The following CPQ variants were observed in gnomAD, a reference collection of about 807,000 sequenced individuals.
CPQ encodes the protein carboxypeptidase Q, also known as Ser-Met dipeptidase.
In CPQ, 37 loss-of-function variants were observed where a neutral mutation model predicts 45.7. The ratio of observed to expected loss-of-function variants is 0.81; its 90% confidence interval spans 0.62 to 1.07. The LOEUF is 1.07. Ranked by LOEUF, CPQ falls within the 50% of genes least tolerant of loss-of-function variation. The pLI, the probability that CPQ is intolerant of heterozygous loss-of-function variation, is 0.00. For synonymous variants in CPQ, 186 were observed against 205.8 expected (o/e 0.90, Z 0.82); for missense variants, 537 against 572.9 (o/e 0.94, Z 0.64).
chr8:96,737,355 G>GATAGATATATATAT (rs1554561434), intron 1 of CPQ, among the ~76,000 whole-genome samples: 2 of 118,000 alleles, frequency 1.7e-5, no homozygotes, highest in Non-Finnish European at 3.5e-5. Context: ...ACTAATAGGA[G>GATAGATATATATAT]ATATATATAT....
chr8:96,683,613 T>G (rs1335722198), intron 1 of CPQ, among the ~76,000 whole-genome samples: 1 of 152,138 alleles, frequency 6.6e-6, no homozygotes, highest in Non-Finnish European at 1.5e-5. Context: ...TAAACAGGTT[T>G]TCTATGTTGT....
chr8:96,988,889 G>A (rs1809038342), intron 5 of CPQ, among the ~76,000 whole-genome samples: 1 of 152,126 alleles, frequency 6.6e-6, no homozygotes, highest in South Asian at 2.1e-4. Flanking sequence ...CTTCAAAGAT[G>A]ACTTTCCTTA....
chr8:97,046,650 A>G (rs1810262196), intron 6 of CPQ, among the ~76,000 whole-genome samples: 1 of 151,998 alleles, frequency 6.6e-6, no homozygotes, highest in African/African-American at 2.4e-5. Flanking sequence ...AATCAGATGC[A>G]CTCCCTCCCC....
chr8:96,993,472 T>C (rs916436657), intron 5 of CPQ, among the ~76,000 whole-genome samples: 4 of 152,184 alleles, frequency 2.6e-5, no homozygotes, highest in African/African-American at 4.8e-5. Context: ...TTAAAAGCAT[T>C]ATTACTCACT....
intron 1 of CPQ, among the ~76,000 whole-genome samples, chr8:96,742,212 C>T (rs1188965655): frequency 6.6e-6 from 1 of 151,972 alleles, no homozygotes; most frequent in Non-Finnish European, 1.5e-5. Flanking sequence ...TTGAATTGAT[C>T]CCTTTACCAT....
chr8:96,856,445 C>T (rs1183596884), intron 3 of CPQ, among the ~76,000 whole-genome samples: 1 of 152,182 alleles, frequency 6.6e-6, no homozygotes, highest in Non-Finnish European at 1.5e-5. Context: ...CTTAATGGCA[C>T]ATATTTTTAT....
At chr8:96,950,025 C>T (rs918122326) in intron 4 of CPQ, among the ~76,000 whole-genome samples, 1 of 152,078 alleles carries the variant, frequency 6.6e-6, no homozygotes, top group African/African-American at 2.4e-5. Context: ...ATCATGTTGA[C>T]CAGAAGTCTC....
At chr8:96,809,191 A>C (rs1032088325) in intron 2 of CPQ, among the ~76,000 whole-genome samples, 10 of 151,990 alleles carry the variant, frequency 6.6e-5, no homozygotes, top group Non-Finnish European at 1.5e-4. Flanking sequence ...TATATATAAT[A>C]TACATATATT....
intron 4 of CPQ, among the ~76,000 whole-genome samples, chr8:96,932,108 T>C (rs1812982562): frequency 6.6e-6 from 1 of 152,200 alleles, no homozygotes; most frequent in East Asian, 1.9e-4. Context: ...GCAGCATGTA[T>C]ATATTCACTA....
chr8:97,085,638 A>G (rs1811028365), intron 7 of CPQ, among the ~76,000 whole-genome samples: 2 of 152,206 alleles, frequency 1.3e-5, no homozygotes, highest in African/African-American at 2.4e-5. Flanking sequence ...TTGGGTATGC[A>G]TGACCATAGT....
chr8:96,684,252 G>T (rs909449802), intron 1 of CPQ, among the ~76,000 whole-genome samples: 1 of 152,174 alleles, frequency 6.6e-6, no homozygotes, highest in African/African-American at 2.4e-5. Flanking sequence ...CTTTGGTTTT[G>T]ATTCTGGTTG....
intron 1 of CPQ, among the ~76,000 whole-genome samples, chr8:96,691,523 C>A (rs1436903672): frequency 6.6e-6 from 1 of 151,180 alleles, no homozygotes; most frequent in African/African-American, 2.4e-5. Context: ...ATACATTTAA[C>A]AGTTATATAT....
intron 1 of CPQ, among the ~76,000 whole-genome samples, chr8:96,719,629 C>A (rs1166187752): frequency 6.6e-6 from 1 of 152,200 alleles, no homozygotes; most frequent in African/African-American, 2.4e-5. Context: ...GTGAAGACTG[C>A]CAACATGCTG....
intron 6 of CPQ, among the ~76,000 whole-genome samples, chr8:97,047,562 T>C (rs756968270): frequency 1.3e-5 from 2 of 152,226 alleles, no homozygotes; most frequent in Non-Finnish European, 2.9e-5. Flanking sequence ...ATGTTTTATA[T>C]TCACACTTTC....
intron 5 of CPQ, among the ~76,000 whole-genome samples, chr8:97,026,361 C>T: frequency 6.6e-6 from 1 of 152,182 alleles, no homozygotes. Flanking sequence ...TATAATTAAT[C>T]TAATCTCACA....
At chr8:97,001,954 G>T (rs568587101) in intron 5 of CPQ, among the ~76,000 whole-genome samples, 1 of 151,746 alleles carries the variant, frequency 6.6e-6, no homozygotes, top group South Asian at 2.1e-4. Context: ...ACTCATTATT[G>T]TTCTATTCAG....
chr8:96,703,291 C>T (rs1809492490), intron 1 of CPQ, among the ~76,000 whole-genome samples: 1 of 152,150 alleles, frequency 6.6e-6, no homozygotes, highest in Non-Finnish European at 1.5e-5. Flanking sequence ...GCTTGATGCA[C>T]AGTCTTCTAA....
intron 1 of CPQ, among the ~76,000 whole-genome samples, chr8:96,753,408 T>C (rs928141781): frequency 2.0e-5 from 3 of 152,144 alleles, no homozygotes; most frequent in African/African-American, 7.2e-5. Context: ...AATGCAATGC[T>C]TGACATTATA....
At position 96,654,282 on chromosome 8, in the gene CPQ, G is replaced by A. The variant is rs146977969; in HGVS notation, c.-35+8880G>A. ...CTTTTTTCCCACTATATTTACAATC[G>A]CTTTCATTATTTCCTTGAATTGGCT... On this transcript the variant is annotated intron_variant, in intron 1 of 7. Transcript: ENST00000220763. 1.4e-4 allele frequency among the ~76,000 whole-genome samples: 22 copies of A among 152,110 alleles called. No homozygotes were observed. The East Asian group carries it at 3.7e-3, about 25-fold the overall frequency.
Sources: allele counts gnomAD v4.1 joint callset (sites outside exome capture counted in the v4.1 genomes callset), GRCh38; gene constraint gnomAD v4.1.1; transcripts MANE v1.5; gene names NCBI Gene and HGNC (gene_info 2026-07-23, HGNC 2026-07-21).